Variants in NKAIN2 observed in about 807,000 individuals in gnomAD.
NKAIN2 encodes sodium/potassium-transporting ATPase subunit beta-1-interacting protein 2.
In NKAIN2, 14 loss-of-function variants were observed where a neutral mutation model predicts 32.6. The observed-to-expected ratio is 0.43, with a 90% CI of 0.28 to 0.67. The LOEUF (loss-of-function observed/expected upper bound fraction) is 0.67. Among genes scored for constraint, NKAIN2 ranks in the 30% least tolerant of loss-of-function variants. The pLI is 0.17. For missense variants in NKAIN2, 198 were observed against 258.3 expected, an observed-to-expected ratio of 0.77 and a Z score of 1.60; for synonymous variants, 80 against 87.2, an observed-to-expected ratio of 0.92 and a Z score of 0.46.
chr6:124,689,237 G>A (rs1774143256), intron 4 of NKAIN2, among the ~76,000 whole-genome samples: 1 of 151,922 alleles, frequency 6.6e-6, no homozygotes, highest in South Asian at 2.1e-4. Context: ...ATATGATGTT[G>A]GACACCTTTT....
rs35419422 is a variant in NKAIN2 at position 124,134,124 on chromosome 6, TA to T, written c.55-148868del. ...AAGGTGAAAACCAACTAAAAGAAAT[TA>T]AAAAAAAAAAAATTAAGGATGTTGG... On this transcript the variant is annotated intron_variant, in intron 1 of 6. Transcript: ENST00000368417. 1.7e-3 allele frequency among the ~76,000 whole-genome samples: 247 copies of T among 145,924 alleles called. 1 individual carries two copies. The highest frequency in any genetic ancestry group is 2.9e-3 in the African/African-American group (117 of 39,754).
chr6:123,821,853 G>T (rs2114889852), intron 1 of NKAIN2, among the ~76,000 whole-genome samples: 1 of 152,298 alleles, frequency 6.6e-6, no homozygotes. Context: ...TTTTCTTAAA[G>T]CTAGTAAGAG....
intron 1 of NKAIN2, among the ~76,000 whole-genome samples, chr6:124,080,202 A>G (rs1414278520): frequency 6.6e-6 from 1 of 152,054 alleles, no homozygotes; most frequent in Admixed American, 6.6e-5. Context: ...ATATTTTCCC[A>G]TCTCTCCTTG....
intron 1 of NKAIN2, among the ~76,000 whole-genome samples, chr6:124,161,860 C>T (rs928435028): frequency 9.9e-5 from 15 of 151,966 alleles, no homozygotes; most frequent in African/African-American, 1.5e-4. Context: ...ACCTGGGTGA[C>T]GGGATCATTC....
At position 124,287,466 on chromosome 6, in the gene NKAIN2, G is replaced by T. The variant is rs184449495; in HGVS notation, c.192+4324G>T. Among the ~76,000 whole-genome samples, 14 of 152,146 alleles carry T rather than the reference G, an allele frequency of 9.2e-5. No homozygotes were observed. The East Asian group carries it at 2.5e-3, about 27-fold the overall frequency. On this transcript the variant is annotated intron_variant, in intron 2 of 6. Coordinates refer to ENST00000368417, the MANE Select transcript of NKAIN2 (RefSeq NM_001040214.3). ...TTTTTCATAGTAGCAAAGAAAAAAA[G>T]ATTAAAAACTTAAAACAGATAATTG... is the stretch of plus-strand genomic sequence containing the variant.
chr6:124,223,229 A>G (rs1791927858), intron 1 of NKAIN2, among the ~76,000 whole-genome samples: 1 of 147,860 alleles, frequency 6.8e-6, no homozygotes, highest in African/African-American at 2.5e-5. Flanking sequence ...AAAAAAAAAA[A>G]AAAAAAAAAG....
At chr6:123,990,988 T>C (rs970634316) in intron 1 of NKAIN2, among the ~76,000 whole-genome samples, 6 of 152,202 alleles carry the variant, frequency 3.9e-5, no homozygotes, top group African/African-American at 1.4e-4. Context: ...TTTTATTATA[T>C]GTAAATACCT....
At chr6:124,764,680 A>G (rs1311972973) in intron 4 of NKAIN2, among the ~76,000 whole-genome samples, 2 of 152,026 alleles carry the variant, frequency 1.3e-5, no homozygotes, top group African/African-American at 4.8e-5. Flanking sequence ...TAAACCATCT[A>G]TTTCTGTATT....
intron 1 of NKAIN2, among the ~76,000 whole-genome samples, chr6:124,032,563 A>G (rs77759168): frequency 0.028 from 4,185 of 152,092 alleles, 106 homozygotes; most frequent in African/African-American, 0.074. Context: ...TTATTTGATA[A>G]AGGTAAGTAG....
intron 1 of NKAIN2, among the ~76,000 whole-genome samples, chr6:124,080,486 G>T (rs564650986): frequency 6.6e-6 from 1 of 152,116 alleles, no homozygotes; most frequent in Non-Finnish European, 1.5e-5. Flanking sequence ...ATTCTTGCTT[G>T]TGTGTCTTAA....
At chr6:124,283,768 G>C (rs1036209959) in intron 2 of NKAIN2, among the ~76,000 whole-genome samples, 1 of 151,882 alleles carries the variant, frequency 6.6e-6, no homozygotes, top group African/African-American at 2.4e-5. Flanking sequence ...TTAAACTTTT[G>C]TATGTGCCTC....
At chr6:124,038,894 G>A (rs1024080997) in intron 1 of NKAIN2, among the ~76,000 whole-genome samples, 1 of 152,050 alleles carries the variant, frequency 6.6e-6, no homozygotes, top group South Asian at 2.1e-4. Flanking sequence ...CAGAACGAGG[G>A]TGTTTAACCA....
intron 1 of NKAIN2, among the ~76,000 whole-genome samples, chr6:123,875,740 C>G (rs1227246660): frequency 1.3e-5 from 2 of 151,906 alleles, no homozygotes; most frequent in Non-Finnish European, 2.9e-5. Flanking sequence ...TCTTCTATAG[C>G]TTTACTTAAA....
intron 1 of NKAIN2, among the ~76,000 whole-genome samples, chr6:124,084,720 T>C (rs1443340674): frequency 1.3e-5 from 2 of 151,996 alleles, no homozygotes; most frequent in Non-Finnish European, 2.9e-5. Context: ...TGCATATGAA[T>C]TGGCATGTCT....
intron 1 of NKAIN2, among the ~76,000 whole-genome samples, chr6:124,014,490 T>C (rs949999903): frequency 6.6e-6 from 1 of 152,108 alleles, no homozygotes. Flanking sequence ...CCTCTAGTCT[T>C]GGACATTGAC....
chr6:124,699,623 ACT>A (rs1221658213), intron 4 of NKAIN2, among the ~76,000 whole-genome samples: 2 of 151,524 alleles, frequency 1.3e-5, no homozygotes, highest in Non-Finnish European at 2.9e-5. Context: ...CACCTTCCCC[ACT>A]CTCTTGCTGC....
At chr6:124,075,022 T>C (rs1335331519) in intron 1 of NKAIN2, among the ~76,000 whole-genome samples, 1 of 152,184 alleles carries the variant, frequency 6.6e-6, no homozygotes, top group Non-Finnish European at 1.5e-5. Flanking sequence ...TACTTACTAG[T>C]TTTGACAAGT....
intron 3 of NKAIN2, among the ~76,000 whole-genome samples, chr6:124,449,622 T>G (rs1776021890): frequency 6.6e-6 from 1 of 151,992 alleles, no homozygotes; most frequent in Non-Finnish European, 1.5e-5. Context: ...TAATTAATCC[T>G]TCAGTTTGAA....
In NKAIN2 at chr6:124,755,782, G is replaced by T. The variant is rs558773512; in HGVS notation, c.475-35557G>T. ...GGGCACTAGGCCTAATGACACCTGG[G>T]TGATGAAATAATCTGTATGACAAAC... is the stretch of plus-strand genomic sequence containing the variant. On this transcript the variant is annotated intron_variant, in intron 4 of 6. Transcript: ENST00000368417. Among the ~76,000 whole-genome samples, 5 of 152,086 alleles carry T rather than the reference G, an allele frequency of 3.3e-5. No homozygotes were observed. The South Asian group carries it at 1.0e-3, about 32-fold the overall frequency.
Sources: gnomAD v4.1 joint callset for allele counts (sites outside exome capture counted in the v4.1 genomes callset) on GRCh38, gnomAD v4.1.1 for gene constraint, MANE v1.5 for transcripts, NCBI Gene and HGNC (gene_info 2026-07-23, HGNC 2026-07-21) for gene names.